ARHGAP24: variants seen among roughly 807,000 people sequenced by gnomAD.
ARHGAP24 encodes the protein Rho GTPase activating protein 24, also known as rho GTPase-activating protein 24.
In ARHGAP24, 50 loss-of-function variants were observed where a neutral mutation model predicts 76.4. That is an observed-to-expected ratio of 0.65 (90% CI 0.52 to 0.83). The LOEUF (loss-of-function observed/expected upper bound fraction) is 0.83, where lower values mean the gene tolerates loss of function less well. Ranked by LOEUF, ARHGAP24 falls within the 40% of genes least tolerant of loss-of-function variation. The pLI is 0.00. For synonymous variants in ARHGAP24, 345 were observed against 323.3 expected, an observed-to-expected ratio of 1.07 and a Z score of -0.72; for missense variants, 930 against 914.2, an observed-to-expected ratio of 1.02 and a Z score of -0.22.
At chr4:85,527,774 G>A (rs1437015159) in intron 1 of ARHGAP24, among the ~76,000 whole-genome samples, 2 of 152,040 alleles carry the variant, frequency 1.3e-5, no homozygotes, top group African/African-American at 4.8e-5. Context: ...GGCAAGTATT[G>A]CTTTCCTTCT....
chr4:85,746,328 C>CT (rs1468008418), intron 3 of ARHGAP24, among the ~76,000 whole-genome samples: 2 of 152,172 alleles, frequency 1.3e-5, no homozygotes, highest in Non-Finnish European at 2.9e-5. Flanking sequence ...TTTTGAGTAT[C>CT]TGACTGATTC....
chr4:85,616,635 T>G (rs1412999819), intron 2 of ARHGAP24, among the ~76,000 whole-genome samples: 1 of 152,206 alleles, frequency 6.6e-6, no homozygotes, highest in Non-Finnish European at 1.5e-5. Context: ...TTTGCTTCAT[T>G]TTATTTTATT....
chr4:85,524,390 C>T (rs568106089), intron 1 of ARHGAP24, among the ~76,000 whole-genome samples: 22 of 152,226 alleles, frequency 1.4e-4, no homozygotes, highest in Admixed American at 1.4e-3. Context: ...TGTAAAATTT[C>T]TACCATTTAA....
chr4:85,626,142 G>A, intron 2 of ARHGAP24, among the ~76,000 whole-genome samples: 1 of 152,206 alleles, frequency 6.6e-6, no homozygotes, highest in Non-Finnish European at 1.5e-5. Context: ...TTGCTCATTA[G>A]TTGATGCAGT....
intron 1 of ARHGAP24, among the ~76,000 whole-genome samples, chr4:85,561,967 C>T (rs1052989813): frequency 5.9e-5 from 9 of 152,010 alleles, no homozygotes; most frequent in East Asian, 3.9e-4. Flanking sequence ...GAGGCCGAGG[C>T]GGGCATCTAT....
At position 86,000,839 on chromosome 4, in the gene ARHGAP24, G is replaced by A; in HGVS notation, c.*117G>A. The A allele has an allele frequency of 1.4e-6, 2 of 1,451,330 alleles. No individual in the cohort carries two copies. Among genetic ancestry groups the A allele is most frequent in the Non-Finnish European group, 1.9e-6 (2 of 1,055,708 alleles). 89.9% of individuals were successfully genotyped at this position (1,451,330 alleles called of 1,614,324 possible). ...GATGTACAGAAGTCTAACTGGTGAA[G>A]GAATATCATTTACAGACATTAAACA... On this transcript the variant is annotated 3_prime_UTR_variant, in exon 10 of 10. Transcript: ENST00000395184.
At chr4:85,784,939 CTATCTAT>C (rs1727750549) in intron 3 of ARHGAP24, among the ~76,000 whole-genome samples, 1 of 150,856 alleles carries the variant, frequency 6.6e-6, no homozygotes, top group Non-Finnish European at 1.5e-5. Flanking sequence ...ATCTATCTAT[CTATCTAT>C]CTATCTATCT....
chr4:85,664,906 AT>A (rs1722551738), intron 2 of ARHGAP24, among the ~76,000 whole-genome samples: 1 of 151,990 alleles, frequency 6.6e-6, no homozygotes, highest in African/African-American at 2.4e-5. Flanking sequence ...GATCTTTTAC[AT>A]TTGCTGAGGA....
intron 4 of ARHGAP24, among the ~76,000 whole-genome samples, chr4:85,927,638 G>A (rs1013575120): frequency 2.6e-5 from 4 of 152,172 alleles, no homozygotes; most frequent in Non-Finnish European, 5.9e-5. Flanking sequence ...GATGGTATCT[G>A]TAAGGAAATT....
chr4:85,805,713 C>A (rs1457009773), intron 3 of ARHGAP24, among the ~76,000 whole-genome samples: 2 of 152,152 alleles, frequency 1.3e-5, no homozygotes, highest in Non-Finnish European at 2.9e-5. Context: ...CGGATTTTTC[C>A]TTTGGCCTTT....
At chr4:85,498,511 C>T (rs1014679457) in intron 1 of ARHGAP24, among the ~76,000 whole-genome samples, 2 of 152,232 alleles carry the variant, frequency 1.3e-5, no homozygotes, top group African/African-American at 2.4e-5. Context: ...AGCTCAGCCT[C>T]GTGCTGAACA....
chr4:85,504,205 T>C (rs1040942476), intron 1 of ARHGAP24, among the ~76,000 whole-genome samples: 3 of 152,160 alleles, frequency 2.0e-5, no homozygotes, highest in African/African-American at 7.2e-5. Flanking sequence ...TGATTTAGGG[T>C]GGAGAGTTCT....
At position 85,483,686 on chromosome 4, in the gene ARHGAP24, T is replaced by TTG. The variant is rs375507013; in HGVS notation, c.-21+8142_-21+8143dup. Among the ~76,000 whole-genome samples the TTG allele has an allele frequency of 1.7e-3, 253 of 151,356 alleles. 2 individuals carry two copies. The highest frequency in any genetic ancestry group is 5.6e-3 in the African/African-American group (231 of 41,334). The stretch of plus-strand genomic sequence containing the variant: ...TAAAAATTGTTTCATATGTTTTAAT[T>TTG]TGTGTGTGTGTGTGTGCATTTCATA... On this transcript the variant is annotated intron_variant, in intron 1 of 9. Transcript: ENST00000395184.
chr4:85,999,523 T>C (rs1740878571), intron 9 of ARHGAP24, among the ~76,000 whole-genome samples: 1 of 152,184 alleles, frequency 6.6e-6, no homozygotes. Flanking sequence ...ATCTGAGAGC[T>C]ACACATGCAT....
At chr4:85,586,862 C>A (rs548620312) in intron 2 of ARHGAP24, among the ~76,000 whole-genome samples, 6 of 152,074 alleles carry the variant, frequency 3.9e-5, no homozygotes, top group Non-Finnish European at 8.8e-5. Context: ...TGCTCCACTG[C>A]ACTCCAGCCT....
intron 3 of ARHGAP24, among the ~76,000 whole-genome samples, chr4:85,861,390 G>A (rs1195712372): frequency 3.3e-5 from 5 of 152,114 alleles, no homozygotes; most frequent in Admixed American, 6.6e-5. Context: ...CAAAGCGTAC[G>A]TTTTGTAGAT....
chr4:85,495,598 C>T (rs369105790), intron 1 of ARHGAP24, among the ~76,000 whole-genome samples: 3 of 151,834 alleles, frequency 2.0e-5, no homozygotes, highest in East Asian at 1.9e-4. Flanking sequence ...GTGATCCGCC[C>T]GCCTCGGCCG....
chr4:85,604,395 G>T (rs539434340), intron 2 of ARHGAP24: 1 of 152,156 alleles, frequency 6.6e-6, no homozygotes, highest in Non-Finnish European at 1.5e-5. Context: ...TTATTTAATA[G>T]TAAGTAAACT....
intron 2 of ARHGAP24, among the ~76,000 whole-genome samples, chr4:85,630,486 T>C (rs892658852): frequency 6.6e-6 from 1 of 152,164 alleles, no homozygotes; most frequent in African/African-American, 2.4e-5. Flanking sequence ...TCTTTACAGA[T>C]TGGCTTTGGC....
Sources: gnomAD v4.1 joint callset for allele counts (sites outside exome capture counted in the v4.1 genomes callset) on GRCh38, gnomAD v4.1.1 for gene constraint, MANE v1.5 for transcripts, NCBI Gene and HGNC (gene_info 2026-07-23, HGNC 2026-07-21) for gene names.